ERO1A: variants seen among roughly 807,000 people sequenced by gnomAD.
The protein encoded by ERO1A is endoplasmic reticulum oxidoreductase 1 alpha, also known as ERO1-like protein alpha.
In ERO1A, 49 loss-of-function variants were observed where a neutral mutation model predicts 76.9. That is an observed-to-expected ratio of 0.64 (90% CI 0.51 to 0.81). ERO1A has a LOEUF of 0.81. Among genes scored for constraint, ERO1A ranks in the 30% least tolerant of loss-of-function variants. The pLI, the probability that ERO1A is intolerant of heterozygous loss-of-function variation, is 0.00. For synonymous variants in ERO1A, 174 were observed against 181.2 expected, an observed-to-expected ratio of 0.96 and a Z score of 0.32; for missense variants, 448 against 542.1, an observed-to-expected ratio of 0.83 and a Z score of 1.72.
At chr14:52,667,967 T>G (rs2040467236) in intron 6 of ERO1A, among the ~76,000 whole-genome samples, 1 of 151,394 alleles carries the variant, frequency 6.6e-6, no homozygotes, top group Non-Finnish European at 1.5e-5. Flanking sequence ...AAAAAAACCC[T>G]AAGCTTGGTT....
intron 2 of ERO1A, among the ~76,000 whole-genome samples, chr14:52,683,174 A>C (rs1196679987): frequency 6.6e-6 from 1 of 152,036 alleles, no homozygotes; most frequent in African/African-American, 2.4e-5. Context: ...ATGCCACTGC[A>C]CTCCAGCCTG....
intron 6 of ERO1A, 38 bp from the exon 7 acceptor site, chr14:52,666,533 TCA>T (rs2040417201): frequency 6.4e-7 from 1 of 1,562,574 alleles, no homozygotes; most frequent in Non-Finnish European, 8.7e-7. Flanking sequence ...TTTCTTATCC[TCA>T]GTTACCTTAA....
chr14:52,644,174 C>G (rs917260010), intron 15 of ERO1A, among the ~76,000 whole-genome samples: 2 of 152,200 alleles, frequency 1.3e-5, no homozygotes, highest in Non-Finnish European at 2.9e-5. Flanking sequence ...AATAAAATAG[C>G]CAGGTGCAGT....
intron 11 of ERO1A, among the ~76,000 whole-genome samples, chr14:52,656,566 G>A (rs2040052368): frequency 6.6e-6 from 1 of 151,828 alleles, no homozygotes; most frequent in South Asian, 2.1e-4. Flanking sequence ...CAAAAAATTA[G>A]CTGGGTGTGG....
chr14:52,675,790 A>G (rs904204900), intron 4 of ERO1A, among the ~76,000 whole-genome samples: 3 of 152,046 alleles, frequency 2.0e-5, no homozygotes, highest in African/African-American at 4.8e-5. Flanking sequence ...ACACATCCTC[A>G]TGGCTGGCTA....
intron 1 of ERO1A, 65 bp from the exon 2 acceptor site, chr14:52,683,972 A>C: frequency 7.4e-7 from 1 of 1,359,250 alleles, no homozygotes; most frequent in Non-Finnish European, 1.0e-6. Context: ...CTTTTTCCTC[A>C]CATGGTTGTT....
At chr14:52,656,347 G>C (rs2040044966) in intron 11 of ERO1A, among the ~76,000 whole-genome samples, 1 of 152,040 alleles carries the variant, frequency 6.6e-6, no homozygotes, top group Non-Finnish European at 1.5e-5. Flanking sequence ...AAAAATAATA[G>C]TCAAACTTCT....
At chr14:52,645,627 C>T (rs117662641) in intron 15 of ERO1A, among the ~76,000 whole-genome samples, 1,959 of 151,974 alleles carry the variant, frequency 0.013, 34 homozygotes, top group Non-Finnish European at 0.014. Flanking sequence ...AAAATAAAGA[C>T]GATCATGTAC....
intron 9 of ERO1A, among the ~76,000 whole-genome samples, chr14:52,660,151 T>G (rs2040185881): frequency 1.3e-5 from 2 of 152,186 alleles, no homozygotes; most frequent in Non-Finnish European, 2.9e-5. Flanking sequence ...CAGTTCAATA[T>G]TATAATCCTG....
intron 4 of ERO1A, among the ~76,000 whole-genome samples, chr14:52,674,355 G>C (rs536594079): frequency 8.3e-4 from 126 of 152,094 alleles, no homozygotes; most frequent in South Asian, 3.1e-3. Context: ...ACCACACTTG[G>C]CTAATTTTTT....
At chr14:52,682,480 T>G in intron 2 of ERO1A, 72 bp from the exon 3 acceptor site, 1 of 1,167,388 alleles carries the variant, frequency 8.6e-7, no homozygotes, top group Admixed American at 1.9e-5. Context: ...TTACAAATTA[T>G]GGTGCTATAA....
chr14:52,678,319 C>A, intron 4 of ERO1A, 115 bp downstream of exon 4: 1 of 672,800 alleles, frequency 1.5e-6, no homozygotes, highest in Non-Finnish European at 2.6e-6. Context: ...GCATAAATAC[C>A]TCTCAAGGGG....
At chr14:52,648,683 T>C (rs771761000) in intron 13 of ERO1A, among the ~76,000 whole-genome samples, 2 of 152,210 alleles carry the variant, frequency 1.3e-5, no homozygotes, top group Non-Finnish European at 2.9e-5. Flanking sequence ...GAGACTCCCA[T>C]ACTTGTGAGA....
chr14:52,663,629 A>C (rs1255014742), intron 8 of ERO1A, among the ~76,000 whole-genome samples, 172 bp downstream of exon 8: 2 of 151,890 alleles, frequency 1.3e-5, no homozygotes, highest in Non-Finnish European at 2.9e-5. Flanking sequence ...TTTTTACTGA[A>C]GTACAAATAA....
chr14:52,666,376 T>A lies in ERO1A; in HGVS notation c.628A>T (p.Lys210Ter). ...TTTCTAAATGAAAATGACACATACT[T>A]AAAACAGTTTTCTTCGTAGATGACA... is the stretch of plus-strand genomic sequence containing the variant. ...WNVIYEENCFKPQTIKRPLNP... is the reference protein window; with the variant it reads ...WNVIYEENCF Residue 210 changes from lysine to a stop codon, truncating the protein, a stop_gained and splice_region_variant, in exon 7 of 16, where the codon AAG becomes TAG. Transcript: ENST00000395686. LOFTEE classifies it high-confidence loss of function. The A allele has an allele frequency of 6.3e-7, 1 of 1,599,698 alleles. No homozygotes were observed. Among genetic ancestry groups the A allele is most frequent in the Non-Finnish European group, 8.5e-7 (1 of 1,174,512 alleles).
rs2039929265 is a variant in ERO1A, at chr14:52,653,098, C to T, written c.1026G>A (p.Met342Ile). Reference protein sequence around the residue: ...GNKIQDEENKMLLLEILHEIK... With the variant: ...GNKIQDEENKILLLEILHEIK... ...TTTCATGAAGTATTTCCAGAAGTAA[C>T]ATTTTGTTTTCCTCATCCTGAATTT... The change falls in exon 12 of 16, where the codon ATG (methionine) becomes ATA (isoleucine). Residue 342 changes from methionine (M) to isoleucine (I), a missense_variant. By Grantham distance (10) the Met-to-Ile change is conservative. This residue lies in a region of ERO1A where 302 missense variants were observed against 411.9 expected (regional missense o/e 0.73). Coordinates refer to ENST00000395686, the MANE Select transcript of ERO1A (RefSeq NM_014584.3). 1 of 1,554,232 alleles carries T rather than the reference C, an allele frequency of 6.4e-7. No individual in the cohort carries two copies. The highest frequency in any genetic ancestry group is 8.9e-7 in the Non-Finnish European group (1 of 1,126,202).
intron 1 of ERO1A, 69 bp from the exon 2 acceptor site, chr14:52,683,976 G>C: frequency 7.7e-7 from 1 of 1,301,526 alleles, no homozygotes; most frequent in Non-Finnish European, 1.1e-6. Context: ...TTCCTCACAT[G>C]GTTGTTAGGA....
chr14:52,693,002 C>CTTTTTTTTTTT (rs559143853), intron 1 of ERO1A, among the ~76,000 whole-genome samples: 1 of 85,710 alleles, frequency 1.2e-5, no homozygotes, highest in African/African-American at 4.6e-5. Flanking sequence ...AAATAGACAA[C>CTTTTTTTTTTT]TTTTTTTTTT....
chr14:52,692,019 G>A (rs2041370130), intron 1 of ERO1A, among the ~76,000 whole-genome samples: 1 of 152,204 alleles, frequency 6.6e-6, no homozygotes, highest in South Asian at 2.1e-4. Context: ...TGTAGCAACT[G>A]ACCAAATTCA....
Sources: allele counts gnomAD v4.1 joint callset (sites outside exome capture counted in the v4.1 genomes callset), GRCh38; gene constraint gnomAD v4.1.1; regional missense constraint gnomAD v4.1.1; transcripts MANE v1.5; gene names NCBI Gene and HGNC (gene_info 2026-07-23, HGNC 2026-07-21).